The following TRPV4 variants were observed in gnomAD, a reference collection of about 807,000 sequenced individuals.
TRPV4 encodes transient receptor potential cation channel subfamily V member 4, also known as OSM9-like transient receptor potential channel 4.
In TRPV4, 58 loss-of-function variants were observed where a neutral mutation model predicts 84.1. The observed-to-expected ratio is 0.69, with a 90% CI of 0.56 to 0.86. The LOEUF is 0.86. Ranked by LOEUF, TRPV4 falls within the 40% of genes least tolerant of loss-of-function variation. The pLI is 0.00. For missense variants in TRPV4, 879 were observed against 1,181.1 expected, an observed-to-expected ratio of 0.74 and a Z score of 3.75; for synonymous variants, 489 against 500.9, an observed-to-expected ratio of 0.98 and a Z score of 0.32.
chr12:109,790,761 C>A (rs1889976192), intron 12 of TRPV4, among the ~76,000 whole-genome samples: 1 of 152,134 alleles, frequency 6.6e-6, no homozygotes, highest in South Asian at 2.1e-4. Context: ...TCTATTTCCC[C>A]ATCCCTTGAA....
rs779042733 is a variant in TRPV4 at position 109,788,486 on chromosome 12, C to T, written c.2122G>A (p.Val708Met). 1.9e-6 allele frequency: 3 copies of T among 1,614,208 alleles called. No individual in the cohort carries two copies. The South Asian group carries it at 3.3e-5, about 18-fold the overall frequency. Residue 708 changes from valine to methionine, a missense_variant, in exon 13 of 16, where the codon GTG becomes ATG. Transcript: ENST00000261740. ...LLVTYIILTFVLLLNMLIALM... is the reference protein window; with the variant it reads ...LLVTYIILTFMLLLNMLIALM... ...GCAATGAGCATGTTGAGGAGCAGCA[C>T]AAAGGTGAGGATGATGTAGGTCACC...
At chr12:109,792,851 AG>A in intron 10 of TRPV4, 34 bp from the exon 11 acceptor site, 1 of 1,610,776 alleles carries the variant, frequency 6.2e-7, no homozygotes. Flanking sequence ...GAGAGGCCAG[AG>A]GGGAGAGGGG....
At chr12:109,820,136 T>C (rs1196900017) in intron 1 of TRPV4, among the ~76,000 whole-genome samples, 2 of 152,106 alleles carry the variant, frequency 1.3e-5, no homozygotes, top group African/African-American at 2.4e-5. Flanking sequence ...AGAACAGATA[T>C]CAATCCCTTT....
chr12:109,814,722 G>A lies in TRPV4; in HGVS notation c.75C>T (p.Thr25=). ...AGAGAGGAAAAGCCTCCCCACCTGG[G>A]GTGCCACTCTCATCCCCGGGGAGCT... ...VAELPGDESG[T]PGGEAFPLSS... Residue 25 remains threonine, a synonymous_variant, in exon 2 of 16, where the codon ACC becomes ACT. Coordinates refer to ENST00000261740, the MANE Select transcript of TRPV4 (RefSeq NM_021625.5). This position sits in a 1 kb window ranked among gnomAD's most constrained non-coding sequence, Gnocchi z 5.4. The A allele has an allele frequency of 1.2e-6, 2 of 1,600,766 alleles. No homozygotes were observed. The highest frequency in any genetic ancestry group is 8.5e-7 in the Non-Finnish European group (1 of 1,174,566).
In TRPV4 at chr12:109,814,901, G is replaced by A; in HGVS notation, c.-31-74C>T. ...GGCTCCAGGAAGCCCCCTCCCACGT[G>A]GACAAGCAGCAGTGCTGCCAGCTGC... On this transcript the variant is annotated intron_variant, in intron 1 of 15. Transcript: ENST00000261740. This position sits in a 1 kb window ranked among gnomAD's most constrained non-coding sequence, Gnocchi z 5.4. 7.1e-7 allele frequency: 1 copy of A among 1,417,426 alleles called. No homozygotes were observed. 87.8% of individuals were successfully genotyped at this position (1,417,426 alleles called of 1,614,324 possible). A position where few individuals can be genotyped will look rare whatever the true frequency, so the allele number is the denominator to read the frequency against.
At chr12:109,819,448 T>C (rs1892005004) in intron 1 of TRPV4, among the ~76,000 whole-genome samples, 1 of 152,202 alleles carries the variant, frequency 6.6e-6, no homozygotes, top group South Asian at 2.1e-4. Context: ...CCCTCCACAG[T>C]GGGGAAGCTC....
chr12:109,811,423 C>T (rs564141223), intron 2 of TRPV4, among the ~76,000 whole-genome samples: 9 of 152,242 alleles, frequency 5.9e-5, no homozygotes, highest in Middle Eastern at 6.8e-3. Flanking sequence ...TTTGGGAGGC[C>T]GAGGTGGGCA....
At chr12:109,799,262 T>TAGAAGA (rs1454539412) in intron 5 of TRPV4, among the ~76,000 whole-genome samples, 1 of 151,980 alleles carries the variant, frequency 6.6e-6, no homozygotes, top group East Asian at 1.9e-4. Context: ...AAGCAGTTCT[T>TAGAAGA]GTGCCTCAGC....
At position 109,798,463 on chromosome 12, in the gene TRPV4, A is replaced by G; in HGVS notation, c.1152+151T>C. On this transcript the variant is annotated intron_variant, in intron 6 of 15. Coordinates refer to ENST00000261740, the MANE Select transcript of TRPV4 (RefSeq NM_021625.5). The surrounding 1 kb of genome is among the most constrained non-coding windows in gnomAD (Gnocchi z 5.0). ...TGGCTGGACACTAGGGAGCCATAGC[A>G]GGTTCTTGAGCTGGGACATCTGCAC... 1 of 959,780 alleles carries G rather than the reference A, an allele frequency of 1.0e-6. No individual in the cohort carries two copies. Among genetic ancestry groups the G allele is most frequent in the South Asian group, 1.5e-5 (1 of 65,314 alleles). The allele number at this position is 959,780 out of a possible 1,614,324, so 59.5% of individuals were successfully genotyped here.
At position 109,822,612 on chromosome 12, in the gene TRPV4, T is replaced by C. The variant is rs189027348; in HGVS notation, c.-31-7785A>G. ...CCATGCATCCCCGGGACCTGCGCCT[T>C]TGATGGACACTTTACAAAGACAAGG... On this transcript the variant is annotated intron_variant, in intron 1 of 15. Transcript: ENST00000261740. 8.5e-5 allele frequency among the ~76,000 whole-genome samples: 13 copies of C among 152,174 alleles called. No individual in the cohort carries two copies. The East Asian group carries it at 2.5e-3, about 29-fold the overall frequency.
At chr12:109,800,797 C>T in intron 4 of TRPV4, 39 bp from the exon 5 acceptor site, 1 of 1,595,808 alleles carries the variant, frequency 6.3e-7, no homozygotes, top group Non-Finnish European at 8.5e-7. Flanking sequence ...CCTGGCGGAG[C>T]AGAGACCTAG....
Position 109,798,779 on chromosome 12 carries a change from C to T in TRPV4, c.987G>A (p.Val329=). 1 of 1,614,192 alleles carries T rather than the reference C, an allele frequency of 6.2e-7. No individual in the cohort carries two copies. The highest frequency in any genetic ancestry group is 2.2e-5 in the East Asian group (1 of 44,874). The change falls in exon 6 of 16, where the codon GTG becomes GTA. Residue 329 remains valine (V), a synonymous_variant. Coordinates refer to ENST00000261740, the MANE Select transcript of TRPV4 (RefSeq NM_021625.5). This position sits in a 1 kb window ranked among gnomAD's most constrained non-coding sequence, Gnocchi z 5.0. ...TCTCACGGGTGTTGTCAGCAATGGCCACCAGCGCATGCAGCACTGTGTTGC... is the reference window on the plus strand; with the variant it reads ...TCTCACGGGTGTTGTCAGCAATGGCTACCAGCGCATGCAGCACTGTGTTGC... ...SRGNTVLHAL[V]AIADNTRENT...
Position 109,796,086 on chromosome 12 carries a change from A to G in TRPV4, c.1332+439T>C, listed in dbSNP as rs1890380280. ...AAAAAAAGAGCTTTCAAAAGTTCAT[A>G]TAACAACCATGAGTAGTAAAAGCTG... On this transcript the variant is annotated intron_variant, in intron 7 of 15. Coordinates refer to ENST00000261740, the MANE Select transcript of TRPV4 (RefSeq NM_021625.5). The surrounding 1 kb of genome is among the most constrained non-coding windows in gnomAD (Gnocchi z 4.2). Among the ~76,000 whole-genome samples the G allele has an allele frequency of 6.6e-6, 1 of 152,166 alleles. No homozygotes were observed. Among genetic ancestry groups the G allele is most frequent in the African/African-American group, 2.4e-5 (1 of 41,448 alleles).
At position 109,798,468 on chromosome 12, in the gene TRPV4, C is replaced by A. The variant is rs1487832342; in HGVS notation, c.1152+146G>T. 2 of 1,042,610 alleles carry A rather than the reference C, an allele frequency of 1.9e-6. No individual in the cohort carries two copies. Among genetic ancestry groups the A allele is most frequent in the Non-Finnish European group, 2.8e-6 (2 of 711,660 alleles). The allele number at this position is 1,042,610 out of a possible 1,614,324, so 64.6% of individuals were successfully genotyped here. On this transcript the variant is annotated intron_variant, in intron 6 of 15. Coordinates refer to ENST00000261740, the MANE Select transcript of TRPV4 (RefSeq NM_021625.5). The surrounding 1 kb of genome is among the most constrained non-coding windows in gnomAD (Gnocchi z 5.0). Reference sequence around the variant, plus strand: ...GGACACTAGGGAGCCATAGCAGGTTCTTGAGCTGGGACATCTGCACACTGG... The same window carrying A: ...GGACACTAGGGAGCCATAGCAGGTTATTGAGCTGGGACATCTGCACACTGG...
chr12:109,794,227 G>C, intron 8 of TRPV4, 102 bp downstream of exon 8: 4 of 1,483,118 alleles, frequency 2.7e-6, no homozygotes, highest in Non-Finnish European at 3.7e-6. Flanking sequence ...AACCTTCTCC[G>C]GGTCCCCCTA....
Position 109,788,544 on chromosome 12 carries a change from G to A in TRPV4, c.2064C>T (p.Ser688=). 5 of 1,614,230 alleles carry A rather than the reference G, an allele frequency of 3.1e-6. No individual in the cohort carries two copies. The highest frequency in any genetic ancestry group is 4.2e-6 in the Non-Finnish European group (5 of 1,180,030). The change falls in exon 13 of 16, where the codon AGC becomes AGT. Residue 688 remains serine (S), a synonymous_variant. Transcript: ENST00000261740. Reference sequence around the variant, plus strand: ...TGATGAAGACCACGGGGTACTTGGTGCTGCTCAGCATCTCCAGGTCGCCCA... The same window carrying A: ...TGATGAAGACCACGGGGTACTTGGTACTGCTCAGCATCTCCAGGTCGCCCA... ...IGMGDLEMLS[S]TKYPVVFIIL... is the part of the protein sequence containing the mutation.
At chr12:109,785,356 A>AT (rs1165788994) in intron 14 of TRPV4, among the ~76,000 whole-genome samples, 4 of 151,064 alleles carry the variant, frequency 2.6e-5, no homozygotes, top group Middle Eastern at 6.8e-3. Context: ...TTATCCACTC[A>AT]TTTTTTTATA....
intron 1 of TRPV4, among the ~76,000 whole-genome samples, chr12:109,828,971 G>A (rs543334799): frequency 6.6e-6 from 1 of 152,292 alleles, no homozygotes; most frequent in South Asian, 2.1e-4. Flanking sequence ...GGTTACTTGA[G>A]CTCTGGAATT....
At chr12:109,808,572 G>A (rs1891292168) in intron 2 of TRPV4, 104 bp from the exon 3 acceptor site, 8 of 1,141,104 alleles carry the variant, frequency 7.0e-6, no homozygotes, top group South Asian at 1.5e-5. Flanking sequence ...GCAGGCAGCT[G>A]AAGCCTTACA....
Sources: allele counts gnomAD v4.1 joint callset (sites outside exome capture counted in the v4.1 genomes callset), GRCh38; gene constraint gnomAD v4.1.1; non-coding constraint Gnocchi (gnomAD v3.1); transcripts MANE v1.5; gene names NCBI Gene and HGNC (gene_info 2026-07-23, HGNC 2026-07-21).